EPS15L1: variants seen among roughly 807,000 people sequenced by gnomAD.
EPS15L1 encodes the protein epidermal growth factor receptor substrate 15-like 1.
EPS15L1 carries 43 observed loss-of-function variants against 117.1 expected under a neutral mutation model. That is an observed-to-expected ratio of 0.37 (90% confidence interval 0.29 to 0.47). EPS15L1 has a LOEUF of 0.47. EPS15L1 is among the 20% of genes least tolerant of loss of function. EPS15L1 has a pLI of 0.99. For synonymous variants in EPS15L1, 459 were observed against 470.5 expected (o/e 0.98, Z 0.32); for missense variants, 981 against 1,164.0 (o/e 0.84, Z 2.29).
chr19:16,413,976 C>T (rs965143970), intron 12 of EPS15L1, 131 bp from the exon 13 acceptor site: 15 of 678,266 alleles, frequency 2.2e-5, no homozygotes, highest in South Asian at 3.5e-5. Flanking sequence ...TGAGACCCAG[C>T]GACTGCTCGC....
chr19:16,365,812 A>T lies in EPS15L1; in HGVS notation c.2381-3828T>A, dbSNP rs1403871517. Reference sequence around the variant, plus strand: ...GCTCTGTGAAAAGCGGGCCCAGCATACCACAAATGCCAGCCAATACTGCCC... The same window carrying T: ...GCTCTGTGAAAAGCGGGCCCAGCATTCCACAAATGCCAGCCAATACTGCCC... On this transcript the variant is annotated intron_variant, in intron 22 of 23. Coordinates refer to ENST00000455140, the MANE Select transcript of EPS15L1 (RefSeq NM_001258374.3). The surrounding 1 kb of genome is among the most constrained non-coding windows in gnomAD (Gnocchi z 4.9). Among the ~76,000 whole-genome samples the T allele has an allele frequency of 6.6e-6, 1 of 152,158 alleles. No individual in the cohort carries two copies. Among genetic ancestry groups the T allele is most frequent in the Non-Finnish European group, 1.5e-5 (1 of 68,022 alleles).
chr19:16,384,812 G>T (rs953193607), intron 21 of EPS15L1, among the ~76,000 whole-genome samples: 6 of 152,176 alleles, frequency 3.9e-5, no homozygotes, highest in Non-Finnish European at 8.8e-5. Context: ...CTCTCGAGAC[G>T]CCTGTGCCCA....
Position 16,361,988 on chromosome 19 carries a change from G to A in EPS15L1, c.2381-4C>T. On this transcript the variant is annotated splice_polypyrimidine_tract_variant and splice_region_variant and intron_variant, in intron 22 of 23. Coordinates refer to ENST00000455140, the MANE Select transcript of EPS15L1 (RefSeq NM_001258374.3). The stretch of plus-strand genomic sequence containing the variant: ...TGGCTTACAGGTGTACTTTTACCTG[G>A]AAAGTTTAGGAGAAAAAAAAAAGGA... 1 of 1,584,360 alleles carries A rather than the reference G, an allele frequency of 6.3e-7. No individual in the cohort carries two copies. Among genetic ancestry groups the A allele is most frequent in the Non-Finnish European group, 8.6e-7 (1 of 1,167,776 alleles).
chr19:16,367,995 G>A (rs999475917), intron 22 of EPS15L1, among the ~76,000 whole-genome samples: 3 of 152,052 alleles, frequency 2.0e-5, no homozygotes, highest in Non-Finnish European at 4.4e-5. Flanking sequence ...GTGTGTGTGT[G>A]TGTGTGTGTG....
intron 22 of EPS15L1, among the ~76,000 whole-genome samples, chr19:16,372,012 A>G (rs146596383): frequency 6.6e-6 from 1 of 152,332 alleles, no homozygotes; most frequent in East Asian, 1.9e-4. Flanking sequence ...CCTGCTGGTT[A>G]TTTAATACCT....
chr19:16,410,362 G>A (rs150923079), intron 13 of EPS15L1, among the ~76,000 whole-genome samples: 67 of 152,208 alleles, frequency 4.4e-4, no homozygotes, highest in African/African-American at 1.4e-3. Flanking sequence ...ACGGGAAATG[G>A]GTAAGTGTTG....
At chr19:16,389,749 G>A (rs1359811689) in intron 19 of EPS15L1, among the ~76,000 whole-genome samples, 1 of 152,158 alleles carries the variant, frequency 6.6e-6, no homozygotes, top group African/African-American at 2.4e-5. Flanking sequence ...CTGGCTGCAA[G>A]GGTGGGTGGA....
rs934081732 is a variant in EPS15L1 at position 16,471,134 on chromosome 19, T to C, written c.33+779A>G. ...ATTCAGCAAATAAAGGCAGCTGTGA[T>C]TAGCATAACACAGGTAGTTTCTAGT... On this transcript the variant is annotated intron_variant, in intron 1 of 23. Transcript: ENST00000455140. This position sits in a 1 kb window ranked among gnomAD's most constrained non-coding sequence, Gnocchi z 4.8. Among the ~76,000 whole-genome samples the C allele has an allele frequency of 7.2e-5, 11 of 152,198 alleles. No individual in the cohort carries two copies. The highest frequency in any genetic ancestry group is 2.7e-4 in the African/African-American group (11 of 41,458).
intron 22 of EPS15L1, among the ~76,000 whole-genome samples, chr19:16,363,461 G>C (rs1458864490): frequency 6.6e-6 from 1 of 152,090 alleles, no homozygotes. Context: ...GGCCAGCCTC[G>C]GTCCCTCTCC....
At position 16,355,547 on chromosome 19, in the gene EPS15L1, T is replaced by C; in HGVS notation, c.*158A>G. 1.1e-6 allele frequency: 1 copy of C among 935,394 alleles called. No homozygotes were observed. Among genetic ancestry groups the C allele is most frequent in the South Asian group, 1.8e-5 (1 of 56,348 alleles). 57.9% of individuals were successfully genotyped at this position (935,394 alleles called of 1,614,324 possible). A position where few individuals can be genotyped will look rare whatever the true frequency, so the allele number is the denominator to read the frequency against. ...GGGCTTCCCCAGGAGATGTGACCTT[T>C]CCAGGTCTTGCAGCCGAGTCTGCTC... is the stretch of plus-strand genomic sequence containing the variant. On this transcript the variant is annotated 3_prime_UTR_variant, in exon 24 of 24. Coordinates refer to ENST00000455140, the MANE Select transcript of EPS15L1 (RefSeq NM_001258374.3).
intron 13 of EPS15L1, chr19:16,412,735 G>A: frequency 1.0e-5 from 2 of 196,802 alleles, no homozygotes; most frequent in Non-Finnish European, 1.0e-5. Flanking sequence ...GGGTGTCAGA[G>A]GCCCTGGGAT....
chr19:16,366,928 G>T (rs537692309), intron 22 of EPS15L1, among the ~76,000 whole-genome samples: 1 of 151,938 alleles, frequency 6.6e-6, no homozygotes, highest in Non-Finnish European at 1.5e-5. Context: ...CTCCTTAATC[G>T]TTTTTTCCGA....
chr19:16,380,798 C>T (rs188712198), intron 21 of EPS15L1, among the ~76,000 whole-genome samples: 68 of 152,354 alleles, frequency 4.5e-4, no homozygotes, highest in Non-Finnish European at 7.1e-4. Flanking sequence ...TAGTCAGAGA[C>T]GTGGCCACCT....
intron 22 of EPS15L1, among the ~76,000 whole-genome samples, chr19:16,372,797 A>G (rs2092243177): frequency 6.6e-6 from 1 of 152,212 alleles, no homozygotes; most frequent in Admixed American, 6.5e-5. Flanking sequence ...AGGCAGGAAA[A>G]CTGAGGCTCA....
At chr19:16,463,038 G>C (rs2093268557) in intron 1 of EPS15L1, among the ~76,000 whole-genome samples, 1 of 152,224 alleles carries the variant, frequency 6.6e-6, no homozygotes, top group African/African-American at 2.4e-5. Flanking sequence ...CTGACCTGGA[G>C]GGTGGGGCTC....
Position 16,402,305 on chromosome 19 carries a change from T to C in EPS15L1, c.1791+16A>G, listed in dbSNP as rs1303190966. 1 of 1,599,184 alleles carries C rather than the reference T, an allele frequency of 6.3e-7. No homozygotes were observed. Among genetic ancestry groups the C allele is most frequent in the South Asian group, 1.1e-5 (1 of 89,084 alleles). On this transcript the variant is annotated intron_variant, in intron 16 of 23. Transcript: ENST00000455140. The stretch of plus-strand genomic sequence containing the variant: ...GACCAGAGCCCCATACTGTAATACG[T>C]TTATTCAACCTTTACCATGGCTCCA...
At chr19:16,403,507 G>A (rs2092623259) in intron 15 of EPS15L1, among the ~76,000 whole-genome samples, 1 of 152,172 alleles carries the variant, frequency 6.6e-6, no homozygotes, top group African/African-American at 2.4e-5. Context: ...AAGATGCTGT[G>A]TGCTCAGGAA....
chr19:16,361,542 G>A, intron 23 of EPS15L1: 1 of 1,237,746 alleles, frequency 8.1e-7, no homozygotes, highest in Non-Finnish European at 1.0e-6. Flanking sequence ...CCTCCCTGCT[G>A]GAAGAAAACG....
chr19:16,410,017 C>G (rs1172418094), intron 13 of EPS15L1, among the ~76,000 whole-genome samples: 5 of 151,114 alleles, frequency 3.3e-5, no homozygotes, highest in South Asian at 2.1e-4. Context: ...GCCTGTAATC[C>G]CAGCTACTCG....
Sources: gnomAD v4.1 joint callset for allele counts (sites outside exome capture counted in the v4.1 genomes callset) on GRCh38, gnomAD v4.1.1 for gene constraint, Gnocchi (gnomAD v3.1) non-coding constraint, MANE v1.5 for transcripts, NCBI Gene and HGNC (gene_info 2026-07-23, HGNC 2026-07-21) for gene names.